Variants in ST6GALNAC5 observed in about 807,000 individuals in gnomAD.
ST6GALNAC5 encodes the protein alpha-N-acetylgalactosaminide alpha-2,6-sialyltransferase 5.
ST6GALNAC5 carries 27 observed loss-of-function variants against 33.6 expected under a neutral mutation model. The ratio of observed to expected loss-of-function variants is 0.80; its 90% CI spans 0.59 to 1.11. The LOEUF (loss-of-function observed/expected upper bound fraction) is 1.11. Among genes scored for constraint, ST6GALNAC5 ranks in the 50% least tolerant of loss-of-function variants. ST6GALNAC5 has a pLI of 0.00. For synonymous variants in ST6GALNAC5, 194 were observed against 171.2 expected, an observed-to-expected ratio of 1.13 and a Z score of -1.04; for missense variants, 428 against 454.0, an observed-to-expected ratio of 0.94 and a Z score of 0.52.
At chr1:77,048,817 T>C (rs114068281) in intron 3 of ST6GALNAC5, among the ~76,000 whole-genome samples, 3 of 152,326 alleles carry the variant, frequency 2.0e-5, no homozygotes, top group African/African-American at 7.2e-5. Context: ...CTTATTTAGC[T>C]CTCAAGTAGC....
At chr1:76,907,498 C>T (rs1474624239) in intron 2 of ST6GALNAC5, among the ~76,000 whole-genome samples, 2 of 152,158 alleles carry the variant, frequency 1.3e-5, no homozygotes, top group Non-Finnish European at 2.9e-5. Flanking sequence ...GTAGAACAGA[C>T]ATTTAGTCAG....
At position 76,970,210 on chromosome 1, in the gene ST6GALNAC5, G is replaced by C. The variant is rs537930742; in HGVS notation, c.262-73994G>C. ...AAGCTGGATGGAGAATGACTTAGAA[G>C]AGCTGACAGAAATAGGCTTCAGAAG... On this transcript the variant is annotated intron_variant, in intron 2 of 4. Coordinates refer to ENST00000477717, the MANE Select transcript of ST6GALNAC5 (RefSeq NM_030965.3). Among the ~76,000 whole-genome samples, 8 of 152,150 alleles carry C rather than the reference G, an allele frequency of 5.3e-5. No homozygotes were observed. In the East Asian group the frequency reaches 1.6e-3, roughly 30 times the overall value.
chr1:76,934,446 T>C (rs916227980), intron 2 of ST6GALNAC5, among the ~76,000 whole-genome samples: 4 of 152,066 alleles, frequency 2.6e-5, no homozygotes, highest in Non-Finnish European at 5.9e-5. Flanking sequence ...GATAAAACTG[T>C]AGTTGCATTT....
intron 2 of ST6GALNAC5, among the ~76,000 whole-genome samples, chr1:76,955,653 CA>C (rs1647928652): frequency 6.6e-6 from 1 of 152,168 alleles, no homozygotes; most frequent in Non-Finnish European, 1.5e-5. Context: ...TATTATTAAT[CA>C]ATGTTTTTTT....
chr1:77,031,322 T>G (rs1040546395), intron 2 of ST6GALNAC5, among the ~76,000 whole-genome samples: 1 of 152,254 alleles, frequency 6.6e-6, no homozygotes, highest in African/African-American at 2.4e-5. Context: ...TTTACTCATG[T>G]GTTTCCAGCT....
At chr1:76,976,286 A>G (rs1649007552) in intron 2 of ST6GALNAC5, among the ~76,000 whole-genome samples, 2 of 152,140 alleles carry the variant, frequency 1.3e-5, no homozygotes, top group Non-Finnish European at 2.9e-5. Flanking sequence ...TTTTCTCCAT[A>G]TGTGCATATT....
intron 2 of ST6GALNAC5, among the ~76,000 whole-genome samples, chr1:77,036,013 C>G (rs1405171356): frequency 6.6e-6 from 1 of 152,110 alleles, no homozygotes; most frequent in Non-Finnish European, 1.5e-5. Context: ...ATCCAATGTA[C>G]ATCGAATGAT....
At chr1:77,061,349 C>T (rs1389505679) in intron 4 of ST6GALNAC5, among the ~76,000 whole-genome samples, 1 of 151,352 alleles carries the variant, frequency 6.6e-6, no homozygotes, top group Non-Finnish European at 1.5e-5. Context: ...AAAAACATGA[C>T]ACCCCTCTTG....
intron 2 of ST6GALNAC5, among the ~76,000 whole-genome samples, chr1:76,885,918 A>C (rs1007420937): frequency 4.9e-4 from 74 of 152,176 alleles, no homozygotes; most frequent in African/African-American, 1.7e-3. Context: ...TCAGTCGATC[A>C]GTAGCTACTT....
chr1:76,910,328 G>A (rs991027599), intron 2 of ST6GALNAC5, among the ~76,000 whole-genome samples: 2 of 151,938 alleles, frequency 1.3e-5, no homozygotes, highest in East Asian at 1.9e-4. Flanking sequence ...GAAAACGCGG[G>A]TGGTGATATG....
chr1:76,915,295 G>A (rs1275778511), intron 2 of ST6GALNAC5, among the ~76,000 whole-genome samples: 1 of 151,864 alleles, frequency 6.6e-6, no homozygotes, highest in Non-Finnish European at 1.5e-5. Flanking sequence ...CGATTCCTCA[G>A]GGATCTAGAA....
At chr1:76,991,137 G>T (rs1276450680) in intron 2 of ST6GALNAC5, among the ~76,000 whole-genome samples, 1 of 152,102 alleles carries the variant, frequency 6.6e-6, no homozygotes, top group Non-Finnish European at 1.5e-5. Flanking sequence ...CTATGATGGG[G>T]GGAAGACAGT....
At chr1:76,967,485 G>T (rs1235831919) in intron 2 of ST6GALNAC5, among the ~76,000 whole-genome samples, 2 of 151,792 alleles carry the variant, frequency 1.3e-5, no homozygotes, top group African/African-American at 4.8e-5. Flanking sequence ...TTCTTCTTTA[G>T]CAGTCTTGCT....
chr1:77,000,936 G>T (rs1470904272), intron 2 of ST6GALNAC5, among the ~76,000 whole-genome samples: 2 of 151,744 alleles, frequency 1.3e-5, no homozygotes, highest in Non-Finnish European at 2.9e-5. Context: ...GATGCCTCCA[G>T]CTTTGTTCTT....
intron 2 of ST6GALNAC5, among the ~76,000 whole-genome samples, chr1:77,033,539 C>T (rs1322966467): frequency 2.0e-5 from 3 of 152,056 alleles, no homozygotes; most frequent in East Asian, 1.9e-4. Flanking sequence ...GGTTAGATAA[C>T]GTATGTATTG....
At chr1:76,986,489 G>A (rs1649501204) in intron 2 of ST6GALNAC5, among the ~76,000 whole-genome samples, 2 of 152,184 alleles carry the variant, frequency 1.3e-5, no homozygotes, top group African/African-American at 4.8e-5. Context: ...AGTTAGAATG[G>A]CAATCATTAA....
At chr1:76,998,184 G>A (rs1342024948) in intron 2 of ST6GALNAC5, among the ~76,000 whole-genome samples, 1 of 152,068 alleles carries the variant, frequency 6.6e-6, no homozygotes, top group East Asian at 1.9e-4. Context: ...GACTAATACA[G>A]TAAATTGGTA....
At chr1:76,972,049 T>C (rs1319922483) in intron 2 of ST6GALNAC5, among the ~76,000 whole-genome samples, 1 of 152,216 alleles carries the variant, frequency 6.6e-6, no homozygotes, top group African/African-American at 2.4e-5. Flanking sequence ...TATTAGTCTG[T>C]TCTCACACTG....
intron 1 of ST6GALNAC5, among the ~76,000 whole-genome samples, 156 bp downstream of exon 1, chr1:76,867,846 G>A (rs978082560): frequency 1.4e-4 from 21 of 151,922 alleles, no homozygotes; most frequent in African/African-American, 5.1e-4. Flanking sequence ...GTTCCCTCCC[G>A]ATTCTCCAGC....
Sources: allele counts gnomAD v4.1 joint callset (sites outside exome capture counted in the v4.1 genomes callset), GRCh38; gene constraint gnomAD v4.1.1; transcripts MANE v1.5; gene names NCBI Gene and HGNC (gene_info 2026-07-23, HGNC 2026-07-21).